XYLB: variants seen among roughly 807,000 people sequenced by gnomAD.
XYLB encodes the protein xylulokinase.
A neutral mutation model predicts 78.7 loss-of-function variants in XYLB; 62 were observed. That is an observed-to-expected ratio of 0.79 (90% CI 0.64 to 0.97). The LOEUF is 0.97. XYLB is among the 50% of genes least tolerant of loss of function. The pLI, the probability that XYLB is intolerant of heterozygous loss-of-function variation, is 0.00. For missense variants in XYLB, 687 were observed against 676.8 expected (o/e 1.02, Z -0.17); for synonymous variants, 245 against 247.4 (o/e 0.99, Z 0.09).
At chr3:38,439,790 T>C in the XYLB span, among the ~76,000 whole-genome samples, 1 of 151,928 alleles carries the variant, frequency 6.6e-6, no homozygotes, top group Non-Finnish European at 1.5e-5. Context: ...TGAAAGGCAT[T>C]GTCTGATTTG....
At chr3:38,429,864 T>G in the XYLB span, among the ~76,000 whole-genome samples, 1 of 152,214 alleles carries the variant, frequency 6.6e-6, no homozygotes, top group Non-Finnish European at 1.5e-5. Flanking sequence ...GCTTCATCCA[T>G]GTCCCTGCAA....
Position 38,412,997 on chromosome 3 carries a change from G to A in XYLB, c.1595G>A (p.Arg532Gln), listed in dbSNP as rs368027581. The part of the protein sequence containing the change: ...KLEQRILSQT[R>Q]GPPE ...GAGCAGAGAATCTTGTCTCAGACCC[G>A]GGGGCCTCCGGAGTGAACAGGCATC... The change falls in exon 19 of 19, where the codon CGG becomes CAG. Residue 532 changes from arginine (R) to glutamine (Q), a missense_variant. By Grantham distance (43) the Arg-to-Gln change is conservative. Transcript: ENST00000207870. 8.8e-6 allele frequency: 14 copies of A among 1,599,642 alleles called. No homozygotes were observed. In the African/African-American group the frequency reaches 9.5e-5, roughly 11 times the overall value.
At chr3:38,385,359 A>T (rs77172496) in intron 15 of XYLB, among the ~76,000 whole-genome samples, 6,306 of 152,022 alleles carry the variant, frequency 0.041, 261 homozygotes, top group African/African-American at 0.11. Flanking sequence ...TCCCTTGAGC[A>T]TGTTAGCTAA....
Position 38,420,111 on chromosome 3 carries a change from G to A in XYLB, c.*54G>A, listed in dbSNP as rs140814552. Among the ~76,000 whole-genome samples the A allele has an allele frequency of 3.2e-3, 491 of 152,128 alleles. 1 individual carries two copies. The highest frequency in any genetic ancestry group is 0.012 in the African/African-American group (480 of 41,500). ...GGAATTAACAGGCGTGAGCCACCAC[G>A]CCCAGCCATAAGAATCAATTTTTGT... On this transcript the variant is annotated 3_prime_UTR_variant, in exon 18 of 18. Coordinates refer to the XYLB transcript ENST00000650590.
chr3:38,405,382 A>C (rs1249686128), intron 18 of XYLB, among the ~76,000 whole-genome samples: 20 of 150,890 alleles, frequency 1.3e-4, no homozygotes, highest in Non-Finnish European at 2.5e-4. Context: ...AAAAAAAAAA[A>C]AAAAAAAAAA....
At chr3:38,353,158 C>T (rs1363762261) in intron 2 of XYLB, among the ~76,000 whole-genome samples, 1 of 142,726 alleles carries the variant, frequency 7.0e-6, no homozygotes, top group Non-Finnish European at 1.5e-5. Flanking sequence ...AAGGAACTCA[C>T]CTATGTTTTT....
chr3:38,356,071 G>A (rs1358828279), intron 2 of XYLB: 1 of 290,724 alleles, frequency 3.4e-6, no homozygotes, highest in Non-Finnish European at 6.4e-6. Context: ...CTAATGCAGT[G>A]AAACCCCGTC....
rs117916912 is a variant in XYLB, at chr3:38,379,381, G to A, written c.1291+39G>A. 1.8e-4 allele frequency: 281 copies of A among 1,603,832 alleles called. No individual in the cohort carries two copies. In the East Asian group the frequency reaches 5.6e-3, roughly 32 times the overall value. Reference sequence around the variant, plus strand: ...TGGCAGCATGTGTCCCGGGGTGGGGGCTCAGGGCCAGCTCACTCGCAGGGG... The same window carrying A: ...TGGCAGCATGTGTCCCGGGGTGGGGACTCAGGGCCAGCTCACTCGCAGGGG... On this transcript the variant is annotated intron_variant, in intron 15 of 18. Transcript: ENST00000207870.
the XYLB span, among the ~76,000 whole-genome samples, chr3:38,431,153 C>T: frequency 6.6e-6 from 1 of 152,274 alleles, no homozygotes; most frequent in East Asian, 1.9e-4. Flanking sequence ...GGCAGTATGG[C>T]CATTTTCCAG....
the XYLB span, chr3:38,451,426 C>G: frequency 6.6e-6 from 1 of 152,162 alleles, no homozygotes. Flanking sequence ...AGTTCAAGAC[C>G]AGCCTGGCCA....
chr3:38,409,718 T>A (rs1299365030), intron 18 of XYLB, among the ~76,000 whole-genome samples: 1 of 152,114 alleles, frequency 6.6e-6, no homozygotes, highest in Admixed American at 6.5e-5. Context: ...TGTACAAAAA[T>A]CACAAGCATT....
At chr3:38,442,720 A>ATTTTTTT in the XYLB span, among the ~76,000 whole-genome samples, 4 of 99,190 alleles carry the variant, frequency 4.0e-5, no homozygotes, top group African/African-American at 7.9e-5. Context: ...GGACTGCTGC[A>ATTTTTTT]TTTTTTTTTT....
the XYLB span, among the ~76,000 whole-genome samples, chr3:38,435,451 T>C: frequency 1.6e-4 from 25 of 152,114 alleles, no homozygotes; most frequent in African/African-American, 6.0e-4. Flanking sequence ...AAAGCAAATA[T>C]TATTAGATCT....
Position 38,413,193 on chromosome 3 carries a change from C to G in XYLB, c.*180C>G. The G allele has an allele frequency of 2.0e-6, 1 of 509,738 alleles. No individual in the cohort carries two copies. Among genetic ancestry groups the G allele is most frequent in the South Asian group, 3.8e-5 (1 of 26,580 alleles). The allele number at this position is 509,738 out of a possible 1,614,324, so 31.6% of individuals were successfully genotyped here. ...GCACATCTGCATGAAGATAGATAGG[C>G]ACTCCTGTCCCTGTGCCCGTGTGCC... On this transcript the variant is annotated 3_prime_UTR_variant, in exon 19 of 19. Coordinates refer to ENST00000207870, the MANE Select transcript of XYLB (RefSeq NM_005108.4).
downstream of XYLB, among the ~76,000 whole-genome samples, chr3:38,425,884 GA>G (rs1439047650): frequency 1.3e-5 from 2 of 152,166 alleles, no homozygotes; most frequent in African/African-American, 4.8e-5. Flanking sequence ...GACTTGTCAA[GA>G]ATGTAGATTG....
At chr3:38,391,241 A>ACAAC (rs781010734) in intron 15 of XYLB, among the ~76,000 whole-genome samples, 2 of 151,558 alleles carry the variant, frequency 1.3e-5, no homozygotes, top group East Asian at 2.0e-4. Flanking sequence ...CAACAACAAA[A>ACAAC]AAAAAGAAGA....
chr3:38,431,248 T>A, the XYLB span, among the ~76,000 whole-genome samples: 1 of 152,186 alleles, frequency 6.6e-6, no homozygotes, highest in Non-Finnish European at 1.5e-5. Context: ...GGTTTGTAGT[T>A]CTCCTTGAAG....
At chr3:38,366,132 A>G (rs1706249442) in intron 6 of XYLB, among the ~76,000 whole-genome samples, 1 of 152,044 alleles carries the variant, frequency 6.6e-6, no homozygotes, top group Non-Finnish European at 1.5e-5. Context: ...AAAAAGGAAA[A>G]AAAATAATAG....
At position 38,412,965 on chromosome 3, in the gene XYLB, C is replaced by T. The variant is rs1012072960; in HGVS notation, c.1563C>T (p.Ala521=). 6.2e-7 allele frequency: 1 copy of T among 1,605,564 alleles called. No homozygotes were observed. The highest frequency in any genetic ancestry group is 1.7e-5 in the Admixed American group (1 of 58,668). Residue 521 remains alanine, a synonymous_variant, in exon 19 of 19, where the codon GCC becomes GCT. Transcript: ENST00000207870. ...ACGAGGCCCTTCTCCCCCAGTATGCCAAACTCGAGCAGAGAATCTTGTCTC... is the reference window on the plus strand; with the variant it reads ...ACGAGGCCCTTCTCCCCCAGTATGCTAAACTCGAGCAGAGAATCTTGTCTC... ...QVYEALLPQY[A]KLEQRILSQT...
Sources: allele counts gnomAD v4.1 joint callset (sites outside exome capture counted in the v4.1 genomes callset), GRCh38; gene constraint gnomAD v4.1.1; transcripts MANE v1.5; gene names NCBI Gene and HGNC (gene_info 2026-07-23, HGNC 2026-07-21).